The following FOLH1 variants were observed in gnomAD, a reference collection of about 807,000 sequenced individuals.
FOLH1 encodes the protein folate hydrolase 1, also known as glutamate carboxypeptidase 2.
Under a neutral mutation model 93.9 loss-of-function variants are expected in FOLH1, and 54 were observed. The ratio of observed to expected loss-of-function variants is 0.57; its 90% CI spans 0.46 to 0.72. FOLH1 has a LOEUF of 0.72. FOLH1 is among the 30% of genes least tolerant of loss of function. The pLI is 0.00. For missense variants in FOLH1, 571 were observed against 892.5 expected (o/e 0.64, Z 4.59); for synonymous variants, 249 against 303.6 (o/e 0.82, Z 1.87).
Position 49,145,988 on chromosome 11 carries a change from A to G in FOLH1, c.*768T>C, listed in dbSNP as rs530567978. 6.6e-6 allele frequency among the ~76,000 whole-genome samples: 1 copy of G among 152,322 alleles called. No individual in the cohort carries two copies. Among genetic ancestry groups the G allele is most frequent in the Admixed American group, 6.5e-5 (1 of 15,296 alleles). On this transcript the variant is annotated 3_prime_UTR_variant, in exon 19 of 19. Coordinates refer to ENST00000256999, the MANE Select transcript of FOLH1 (RefSeq NM_004476.3). The stretch of plus-strand genomic sequence containing the variant: ...AATTACACATGGTATGATTGTCTTT[A>G]CAAAAAGTTCAAAAATACATAATGC...
At chr11:49,192,955 A>T (rs1321341134) in intron 3 of FOLH1, 61 bp from the exon 4 acceptor site, 8 of 1,385,572 alleles carry the variant, frequency 5.8e-6, no homozygotes, top group Non-Finnish European at 7.8e-6. Context: ...CTGTAATCAA[A>T]CACAAAAAAA....
intron 5 of FOLH1, 79 bp downstream of exon 5, chr11:49,186,565 A>C: frequency 6.8e-7 from 1 of 1,465,830 alleles, no homozygotes; most frequent in Non-Finnish European, 9.2e-7. Context: ...AAGTTTTAAG[A>C]AAATGATTCT....
At chr11:49,205,937 T>G (rs1478722809) in intron 2 of FOLH1, 130 bp downstream of exon 2, 1 of 979,006 alleles carries the variant, frequency 1.0e-6, no homozygotes, top group East Asian at 2.8e-5. Flanking sequence ...AGATGAAATG[T>G]GATCCAAGAT....
intron 2 of FOLH1, among the ~76,000 whole-genome samples, chr11:49,203,644 CCT>C (rs1437707423): frequency 6.6e-6 from 1 of 152,128 alleles, no homozygotes; most frequent in Non-Finnish European, 1.5e-5. Context: ...TGAATATCCC[CCT>C]GTGTTCTGGT....
Position 49,208,523 on chromosome 11 carries a change from C to T in FOLH1, c.-114G>A. 1.5e-6 allele frequency: 1 copy of T among 675,682 alleles called. No individual in the cohort carries two copies. The highest frequency in any genetic ancestry group is 2.5e-6 in the Non-Finnish European group (1 of 402,362). 41.9% of individuals were successfully genotyped at this position (675,682 alleles called of 1,614,324 possible). ...CTCTCTCAATCTCACTAATGCCTCGCTTATCAGCCCTGCAGGCTGGAATTC... is the reference window on the plus strand; with the variant it reads ...CTCTCTCAATCTCACTAATGCCTCGTTTATCAGCCCTGCAGGCTGGAATTC... On this transcript the variant is annotated 5_prime_UTR_variant, in exon 1 of 19. Coordinates refer to ENST00000256999, the MANE Select transcript of FOLH1 (RefSeq NM_004476.3).
At chr11:49,190,331 C>T (rs1861890918) in intron 4 of FOLH1, among the ~76,000 whole-genome samples, 1 of 152,196 alleles carries the variant, frequency 6.6e-6, no homozygotes, top group Non-Finnish European at 1.5e-5. Flanking sequence ...TCCCTCTCAG[C>T]ACTTCTCAAA....
At chr11:49,203,653 T>C (rs1390249363) in intron 2 of FOLH1, among the ~76,000 whole-genome samples, 1 of 152,242 alleles carries the variant, frequency 6.6e-6, no homozygotes, top group Non-Finnish European at 1.5e-5. Context: ...CCCTGTGTTC[T>C]GGTTAGAGGA....
intron 11 of FOLH1, among the ~76,000 whole-genome samples, chr11:49,169,679 T>C (rs999197105): frequency 2.0e-5 from 3 of 152,224 alleles, no homozygotes; most frequent in African/African-American, 7.2e-5. Flanking sequence ...ATTTTAAGTG[T>C]ATGAAATTTT....
chr11:49,166,585 C>T (rs1858440844), intron 12 of FOLH1, among the ~76,000 whole-genome samples: 1 of 152,088 alleles, frequency 6.6e-6, no homozygotes, highest in South Asian at 2.1e-4. Context: ...GACAGTAATA[C>T]CTTTGGAGAG....
intron 17 of FOLH1, among the ~76,000 whole-genome samples, chr11:49,151,797 A>G (rs1342332297): frequency 6.6e-6 from 1 of 152,142 alleles, no homozygotes; most frequent in Admixed American, 6.6e-5. Flanking sequence ...TCAGAGGGAG[A>G]AAACATTTTT....
intron 1 of FOLH1, among the ~76,000 whole-genome samples, chr11:49,207,138 CACTGAGGACGAGATGCTTGA>C (rs990242334): frequency 6.6e-6 from 1 of 151,814 alleles, no homozygotes; most frequent in Non-Finnish European, 1.5e-5. Context: ...GGAAACACCA[CACTGAGGACGAGATGCTTGA>C]ACTGAGATCT....
At chr11:49,153,806 C>G (rs529840097) in intron 17 of FOLH1, 40 bp downstream of exon 17, 1 of 1,248,786 alleles carries the variant, frequency 8.0e-7, no homozygotes, top group East Asian at 2.5e-5. Flanking sequence ...TATATATATA[C>G]ACACACATAC....
chr11:49,162,118 C>G (rs983516681), intron 13 of FOLH1, among the ~76,000 whole-genome samples: 4 of 152,114 alleles, frequency 2.6e-5, no homozygotes, highest in Non-Finnish European at 5.9e-5. Context: ...ATGATCTTCT[C>G]AAGTAGTATC....
intron 11 of FOLH1, among the ~76,000 whole-genome samples, chr11:49,170,381 G>A (rs1590526989): frequency 6.6e-6 from 1 of 152,162 alleles, no homozygotes; most frequent in Admixed American, 6.6e-5. Flanking sequence ...TTGGGAGGCC[G>A]AGGCAGGCAT....
chr11:49,171,842 C>T (rs1859351183), intron 10 of FOLH1, among the ~76,000 whole-genome samples: 1 of 151,910 alleles, frequency 6.6e-6, no homozygotes, highest in Non-Finnish European at 1.5e-5. Context: ...TAAACACTGA[C>T]CTTGGAGTTA....
intron 17 of FOLH1, among the ~76,000 whole-genome samples, chr11:49,149,124 G>C (rs965810961): frequency 6.6e-6 from 1 of 151,966 alleles, no homozygotes; most frequent in African/African-American, 2.4e-5. Context: ...GGTGGGGTGA[G>C]GGGGGAAGGA....
intron 17 of FOLH1, among the ~76,000 whole-genome samples, chr11:49,149,012 T>C (rs1856123456): frequency 1.3e-5 from 2 of 152,058 alleles, no homozygotes; most frequent in Non-Finnish European, 2.9e-5. Flanking sequence ...ACATGTGCCA[T>C]GTTGGTGTGC....
chr11:49,177,279 AATTT>A (rs1355167863), intron 7 of FOLH1, among the ~76,000 whole-genome samples: 32 of 152,340 alleles, frequency 2.1e-4, no homozygotes, highest in African/African-American at 6.3e-4. Flanking sequence ...TGTATTATAA[AATTT>A]ATTTAAACTA....
At chr11:49,147,940 G>T (rs552839040) in intron 18 of FOLH1, among the ~76,000 whole-genome samples, 2 of 151,828 alleles carry the variant, frequency 1.3e-5, no homozygotes, top group Non-Finnish European at 2.9e-5. Flanking sequence ...GGAAAAAAAG[G>T]GGGGGTGGGG....
Sources: allele counts gnomAD v4.1 joint callset (sites outside exome capture counted in the v4.1 genomes callset), GRCh38; gene constraint gnomAD v4.1.1; transcripts MANE v1.5; gene names NCBI Gene and HGNC (gene_info 2026-07-23, HGNC 2026-07-21).